Variants in CADM2 observed in about 807,000 individuals in gnomAD.
The protein encoded by CADM2 is cell adhesion molecule 2, also known as immunoglobulin superfamily member 4D.
Under a neutral mutation model 49.8 loss-of-function variants are expected in CADM2, and 12 were observed. The observed-to-expected ratio is 0.24, with a 90% CI of 0.15 to 0.39. The LOEUF (loss-of-function observed/expected upper bound fraction) is 0.39, where lower values mean the gene tolerates loss of function less well. Ranked by LOEUF, CADM2 falls within the 10% of genes least tolerant of loss-of-function variation. CADM2 has a pLI of 1.00. For missense variants in CADM2, 378 were observed against 492.3 expected, an observed-to-expected ratio of 0.77 and a Z score of 2.20; for synonymous variants, 214 against 175.4, an observed-to-expected ratio of 1.22 and a Z score of -1.74.
chr3:85,989,738 C>T (rs148213611), intron 8 of CADM2, among the ~76,000 whole-genome samples: 180 of 152,068 alleles, frequency 1.2e-3, no homozygotes, highest in Middle Eastern at 3.4e-3. Context: ...AGTGGCTGGG[C>T]GCGGTGGCTC....
chr3:85,886,096 C>A (rs1713617607), intron 4 of CADM2, 94 bp from the exon 5 acceptor site: 1 of 1,528,746 alleles, frequency 6.5e-7, no homozygotes, highest in Non-Finnish European at 8.8e-7. Context: ...TGTCAATTAA[C>A]CATCCAGTTC....
intron 2 of CADM2, among the ~76,000 whole-genome samples, chr3:85,741,957 C>T (rs528480217): frequency 1.0e-3 from 158 of 152,234 alleles, no homozygotes; most frequent in Admixed American, 2.9e-3. Context: ...ATAGCTTTTA[C>T]TTCTTTAGAA....
At chr3:85,157,713 G>A (rs1263103720) in intron 1 of CADM2, among the ~76,000 whole-genome samples, 1 of 151,680 alleles carries the variant, frequency 6.6e-6, no homozygotes, top group Non-Finnish European at 1.5e-5. Context: ...AGACTTAAAC[G>A]TTAGACCTAA....
chr3:85,234,738 A>C (rs2107821232), intron 1 of CADM2, among the ~76,000 whole-genome samples: 1 of 152,262 alleles, frequency 6.6e-6, no homozygotes, highest in African/African-American at 2.4e-5. Flanking sequence ...CCAGAGTAGT[A>C]ATTTCTCTCT....
chr3:85,014,318 A>T (rs2034149770), intron 1 of CADM2, among the ~76,000 whole-genome samples: 1 of 151,620 alleles, frequency 6.6e-6, no homozygotes, highest in Admixed American at 6.6e-5. Context: ...ATCACATAAC[A>T]TTTATTGCAG....
intron 1 of CADM2, among the ~76,000 whole-genome samples, chr3:85,378,856 TTCCCCA>T (rs2033738823): frequency 6.6e-6 from 1 of 151,906 alleles, no homozygotes; most frequent in African/African-American, 2.4e-5. Context: ...ACGCTACCTG[TTCCCCA>T]TAAAATTATT....
intron 3 of CADM2, among the ~76,000 whole-genome samples, chr3:85,823,264 T>C (rs935840197): frequency 1.9e-4 from 29 of 152,180 alleles, no homozygotes; most frequent in African/African-American, 7.0e-4. Flanking sequence ...TTTACATACA[T>C]AAATCACAAA....
intron 1 of CADM2, among the ~76,000 whole-genome samples, chr3:85,249,152 C>A (rs2042719490): frequency 6.6e-6 from 1 of 152,044 alleles, no homozygotes; most frequent in Admixed American, 6.6e-5. Context: ...TATTTGATTG[C>A]AACCTAATAT....
intron 1 of CADM2, among the ~76,000 whole-genome samples, chr3:85,223,732 G>A (rs368426373): frequency 9.2e-5 from 14 of 151,742 alleles, no homozygotes; most frequent in African/African-American, 3.1e-4. Flanking sequence ...TAGATATTTC[G>A]CCTAATGCTC....
intron 1 of CADM2, among the ~76,000 whole-genome samples, chr3:85,030,360 C>T (rs886905533): frequency 6.6e-6 from 1 of 152,176 alleles, no homozygotes; most frequent in Non-Finnish European, 1.5e-5. Context: ...AATGCAACCT[C>T]AATGAATGGA....
chr3:85,934,129 C>T (rs1168440934), intron 6 of CADM2, among the ~76,000 whole-genome samples: 1 of 152,080 alleles, frequency 6.6e-6, no homozygotes, highest in South Asian at 2.1e-4. Flanking sequence ...GATCTTTCAC[C>T]TCAAACTTTT....
chr3:85,481,175 G>T (rs2039193005), intron 1 of CADM2, among the ~76,000 whole-genome samples: 1 of 149,604 alleles, frequency 6.7e-6, no homozygotes. Context: ...ATTAATCTTT[G>T]AAATGACCAT....
At chr3:85,530,802 A>G (rs1478329437) in intron 1 of CADM2, among the ~76,000 whole-genome samples, 1 of 151,988 alleles carries the variant, frequency 6.6e-6, no homozygotes, top group Non-Finnish European at 1.5e-5. Context: ...CATGATTAAA[A>G]GAAAAGATTG....
intron 1 of CADM2, among the ~76,000 whole-genome samples, chr3:85,005,517 G>A (rs1323442022): frequency 6.6e-6 from 1 of 152,012 alleles, no homozygotes; most frequent in Non-Finnish European, 1.5e-5. Context: ...ATGGGTCACA[G>A]ACAGAGGACC....
intron 3 of CADM2, among the ~76,000 whole-genome samples, chr3:85,813,188 T>A (rs919423029): frequency 6.6e-6 from 1 of 152,194 alleles, no homozygotes; most frequent in African/African-American, 2.4e-5. Context: ...CATTCCTATT[T>A]CTCCACATCC....
intron 2 of CADM2, among the ~76,000 whole-genome samples, chr3:85,797,888 C>T (rs571111947): frequency 7.9e-5 from 12 of 152,268 alleles, no homozygotes; most frequent in East Asian, 3.9e-4. Flanking sequence ...AGTGAAAAAG[C>T]GTGCCTGTAT....
At chr3:85,850,084 A>G (rs948427413) in intron 3 of CADM2, among the ~76,000 whole-genome samples, 6 of 152,178 alleles carry the variant, frequency 3.9e-5, no homozygotes, top group Non-Finnish European at 5.9e-5. Flanking sequence ...AGGTCTTGAC[A>G]CAGATAGAAA....
intron 1 of CADM2, among the ~76,000 whole-genome samples, chr3:85,061,982 G>A (rs1202604437): frequency 6.6e-6 from 1 of 151,398 alleles, no homozygotes; most frequent in Non-Finnish European, 1.5e-5. Flanking sequence ...TCAGTGGAGA[G>A]TTCATAAGTA....
At chr3:85,451,860 G>A (rs866892350) in intron 1 of CADM2, among the ~76,000 whole-genome samples, 5 of 152,080 alleles carry the variant, frequency 3.3e-5, no homozygotes, top group Middle Eastern at 3.4e-3. Flanking sequence ...ATTTCACCAG[G>A]GATTCATCCT....
Sources: allele counts gnomAD v4.1 joint callset (sites outside exome capture counted in the v4.1 genomes callset), GRCh38; gene constraint gnomAD v4.1.1; transcripts MANE v1.5; gene names NCBI Gene and HGNC (gene_info 2026-07-23, HGNC 2026-07-21).